Variants in AGBL4 observed in about 807,000 individuals in gnomAD.
AGBL4 encodes the protein cytosolic carboxypeptidase 6.
Under a neutral mutation model 66.4 loss-of-function variants are expected in AGBL4, and 58 were observed. The ratio of observed to expected loss-of-function variants is 0.87; its 90% confidence interval spans 0.71 to 1.09. The LOEUF is 1.09. Ranked by LOEUF, AGBL4 falls within the 50% of genes least tolerant of loss-of-function variation. The probability of loss-of-function intolerance (pLI) is 0.00; values close to 1 mark genes in which losing one functional copy is unlikely to be tolerated. For synonymous variants in AGBL4, 234 were observed against 222.9 expected, an observed-to-expected ratio of 1.05 and a Z score of -0.44; for missense variants, 579 against 631.0, an observed-to-expected ratio of 0.92 and a Z score of 0.88.
At chr1:49,719,390 C>T (rs1476407767) in intron 2 of AGBL4, among the ~76,000 whole-genome samples, 1 of 152,022 alleles carries the variant, frequency 6.6e-6, no homozygotes, top group Non-Finnish European at 1.5e-5. Flanking sequence ...CATTTAGAGC[C>T]CTGGATAAGG....
chr1:49,945,263 A>T (rs1464506791), intron 1 of AGBL4, among the ~76,000 whole-genome samples: 3 of 152,160 alleles, frequency 2.0e-5, no homozygotes, highest in Non-Finnish European at 2.9e-5. Flanking sequence ...GCACATTGTC[A>T]TCAGGTTATC....
chr1:49,401,437 C>T (rs1269633543), intron 3 of AGBL4, among the ~76,000 whole-genome samples: 1 of 152,156 alleles, frequency 6.6e-6, no homozygotes, highest in Non-Finnish European at 1.5e-5. Flanking sequence ...CATATGGATT[C>T]TTCATTTCAC....
intron 4 of AGBL4, among the ~76,000 whole-genome samples, chr1:49,068,183 C>T (rs552171565): frequency 6.6e-6 from 1 of 152,200 alleles, no homozygotes; most frequent in African/African-American, 2.4e-5. Flanking sequence ...ATAATATCTA[C>T]CAAATAATGG....
At chr1:49,259,920 C>A (rs1311861261) in intron 3 of AGBL4, among the ~76,000 whole-genome samples, 1 of 150,112 alleles carries the variant, frequency 6.7e-6, no homozygotes. Flanking sequence ...AAGCTCTCCT[C>A]AGCAAATGTA....
chr1:49,689,336 C>A (rs1646843429), intron 3 of AGBL4, among the ~76,000 whole-genome samples: 1 of 152,142 alleles, frequency 6.6e-6, no homozygotes, highest in Non-Finnish European at 1.5e-5. Context: ...ACTGTCCTTT[C>A]CCCAATGTAT....
At chr1:49,563,894 C>T (rs1272069818) in intron 3 of AGBL4, among the ~76,000 whole-genome samples, 1 of 152,140 alleles carries the variant, frequency 6.6e-6, no homozygotes, top group African/African-American at 2.4e-5. Context: ...GTACCAGCTC[C>T]TCCTTGTACC....
At chr1:49,879,682 T>C (rs1222822467) in intron 1 of AGBL4, among the ~76,000 whole-genome samples, 5 of 138,720 alleles carry the variant, frequency 3.6e-5, no homozygotes, top group Non-Finnish European at 7.7e-5. Flanking sequence ...GCGTTCTCTG[T>C]ATTTCCTGAA....
chr1:49,396,924 G>A (rs1023076836), intron 3 of AGBL4, among the ~76,000 whole-genome samples: 1 of 152,148 alleles, frequency 6.6e-6, no homozygotes, highest in African/African-American at 2.4e-5. Flanking sequence ...CCAGTTTCGT[G>A]GGAGACAATT....
chr1:49,272,817 A>G (rs1644089415), intron 3 of AGBL4, among the ~76,000 whole-genome samples: 1 of 152,182 alleles, frequency 6.6e-6, no homozygotes, highest in African/African-American at 2.4e-5. Flanking sequence ...ATAAATAAAT[A>G]CTCATTAATA....
intron 1 of AGBL4, among the ~76,000 whole-genome samples, chr1:49,854,182 TG>T (rs1266102062): frequency 1.4e-3 from 2 of 1,466 alleles, no homozygotes; most frequent in Non-Finnish European, 2.1e-3. Flanking sequence ...GCCTGACACT[TG>T]CCCTCATTCA....
At chr1:49,040,009 TA>T (rs775811287) in intron 5 of AGBL4, among the ~76,000 whole-genome samples, 74 of 152,212 alleles carry the variant, frequency 4.9e-4, no homozygotes, top group Admixed American at 9.2e-4. Context: ...TTAAAGTTTT[TA>T]TTCTTCAAAA....
At chr1:48,560,852 TA>T (rs1231413683) in intron 11 of AGBL4, among the ~76,000 whole-genome samples, 1 of 152,238 alleles carries the variant, frequency 6.6e-6, no homozygotes, top group East Asian at 1.9e-4. Flanking sequence ...GTAGGCACTA[TA>T]AAAAGGGCCA....
intron 9 of AGBL4, among the ~76,000 whole-genome samples, chr1:48,610,825 C>T (rs1645226896): frequency 6.6e-6 from 1 of 152,152 alleles, no homozygotes; most frequent in South Asian, 2.1e-4. Flanking sequence ...CTCAGGAAAC[C>T]AGCTTCTGAT....
chr1:49,206,077 T>C (rs1336767118), intron 4 of AGBL4, among the ~76,000 whole-genome samples: 1 of 152,126 alleles, frequency 6.6e-6, no homozygotes, highest in African/African-American at 2.4e-5. Flanking sequence ...TAGCCAAAAA[T>C]GAATACAGGT....
intron 2 of AGBL4, among the ~76,000 whole-genome samples, chr1:49,796,717 G>A (rs999400986): frequency 1.3e-5 from 2 of 151,234 alleles, no homozygotes; most frequent in East Asian, 1.9e-4. Flanking sequence ...TTTATTTCTA[G>A]GTGGTAGAAT....
intron 3 of AGBL4, among the ~76,000 whole-genome samples, chr1:49,402,639 C>T (rs1229176916): frequency 6.6e-6 from 1 of 151,108 alleles, no homozygotes; most frequent in African/African-American, 2.4e-5. Flanking sequence ...ACCATCTCCA[C>T]TCACTGTAAT....
At chr1:49,948,215 T>TATATATAAATATAA (rs1655611866) in intron 1 of AGBL4, among the ~76,000 whole-genome samples, 3 of 65,488 alleles carry the variant, frequency 4.6e-5, no homozygotes, top group Non-Finnish European at 8.7e-5. Context: ...AATATATAAA[T>TATATATAAATATAA]ATATATAAAT....
intron 3 of AGBL4, among the ~76,000 whole-genome samples, chr1:49,566,450 T>C (rs1467445540): frequency 6.6e-6 from 1 of 152,192 alleles, no homozygotes; most frequent in Admixed American, 6.5e-5. Context: ...TGGTCTTTGA[T>C]GATGGTAATG....
chr1:49,765,885 T>C (rs1162041396), intron 2 of AGBL4, among the ~76,000 whole-genome samples: 2 of 151,364 alleles, frequency 1.3e-5, no homozygotes, highest in Non-Finnish European at 2.9e-5. Context: ...CAGAGAAAAA[T>C]AATGAAAAAA....
Sources: allele counts gnomAD v4.1 joint callset (sites outside exome capture counted in the v4.1 genomes callset), GRCh38; gene constraint gnomAD v4.1.1; transcripts MANE v1.5; gene names NCBI Gene and HGNC (gene_info 2026-07-23, HGNC 2026-07-21).